The following LAMC1 variants were observed in gnomAD, a reference collection of about 807,000 sequenced individuals.
LAMC1 encodes the protein laminin subunit gamma 1.
In LAMC1, 38 loss-of-function variants were observed where a neutral mutation model predicts 173.6. That is an observed-to-expected ratio of 0.22 (90% CI 0.17 to 0.29). LAMC1 has a LOEUF of 0.29. LAMC1 is among the 10% of genes least tolerant of loss of function. The probability of loss-of-function intolerance (pLI) is 1.00; values close to 1 mark genes in which losing one functional copy is unlikely to be tolerated. For synonymous variants in LAMC1, 746 were observed against 749.1 expected, an observed-to-expected ratio of 1.00 and a Z score of 0.07; for missense variants, 1,824 against 2,051.8, an observed-to-expected ratio of 0.89 and a Z score of 2.14.
chr1:183,057,782 T>A (rs1654636103), intron 1 of LAMC1, among the ~76,000 whole-genome samples: 1 of 152,118 alleles, frequency 6.6e-6, no homozygotes, highest in African/African-American at 2.4e-5. Flanking sequence ...GCTGTCAAAC[T>A]GTAGCCTAAG....
chr1:183,046,597 A>C (rs549238400), intron 1 of LAMC1, among the ~76,000 whole-genome samples: 1 of 152,210 alleles, frequency 6.6e-6, no homozygotes, highest in East Asian at 1.9e-4. Context: ...TTTCTGAATT[A>C]CACTTTCTAA....
At chr1:183,059,636 T>C (rs1654690200) in intron 1 of LAMC1, among the ~76,000 whole-genome samples, 1 of 152,150 alleles carries the variant, frequency 6.6e-6, no homozygotes, top group Admixed American at 6.5e-5. Flanking sequence ...TCAGTGTAAG[T>C]CCACAACTAA....
At chr1:183,028,616 T>G (rs1158705697) in intron 1 of LAMC1, among the ~76,000 whole-genome samples, 1 of 152,264 alleles carries the variant, frequency 6.6e-6, no homozygotes, top group Non-Finnish European at 1.5e-5. Flanking sequence ...TTCTTGCAGC[T>G]TGCAGCTTCT....
intron 1 of LAMC1, among the ~76,000 whole-genome samples, chr1:183,092,290 A>G (rs1182030331): frequency 6.6e-6 from 1 of 152,216 alleles, no homozygotes; most frequent in Non-Finnish European, 1.5e-5. Context: ...AGGATGAAGA[A>G]GAGTTTACAG....
At chr1:183,050,812 AC>A (rs1263313723) in intron 1 of LAMC1, among the ~76,000 whole-genome samples, 3 of 147,974 alleles carry the variant, frequency 2.0e-5, no homozygotes, top group Non-Finnish European at 4.5e-5. Flanking sequence ...AATCGCTTGA[AC>A]CTGGGAGGTG....
Position 183,142,554 on chromosome 1 carries a change from C to T in LAMC1, c.4594C>T (p.Leu1532=), listed in dbSNP as rs546629854. ...EQLGQLDTVD[L]NKLNEIEGTL... ...TCCAGGGCAGCTGGATACAGTGGAC[C>T]TGAATAAGCTAAACGAGATTGAAGG... Residue 1532 remains leucine, a synonymous_variant, in exon 28 of 28, where the codon CTG becomes TTG. Coordinates refer to ENST00000258341, the MANE Select transcript of LAMC1 (RefSeq NM_002293.4). The T allele has an allele frequency of 3.3e-5, 54 of 1,612,854 alleles. 1 individual carries two copies. The East Asian group carries it at 9.4e-4, about 28-fold the overall frequency.
chr1:183,030,715 G>A (rs1487082738), intron 1 of LAMC1, among the ~76,000 whole-genome samples: 1 of 152,172 alleles, frequency 6.6e-6, no homozygotes, highest in Non-Finnish European at 1.5e-5. Flanking sequence ...AAATTAGACT[G>A]TTATGTGACT....
At chr1:183,031,495 G>A (rs1191208352) in intron 1 of LAMC1, among the ~76,000 whole-genome samples, 1 of 152,000 alleles carries the variant, frequency 6.6e-6, no homozygotes, top group Non-Finnish European at 1.5e-5. Context: ...GTAGAGACAG[G>A]GTTTTACCAT....
At chr1:183,051,323 C>A (rs535394594) in intron 1 of LAMC1, among the ~76,000 whole-genome samples, 13 of 152,294 alleles carry the variant, frequency 8.5e-5, no homozygotes, top group Non-Finnish European at 1.9e-4. Flanking sequence ...ATCCTGAGAC[C>A]ACCATATTTG....
chr1:183,057,146 C>T (rs1473928059), intron 1 of LAMC1, among the ~76,000 whole-genome samples: 2 of 152,200 alleles, frequency 1.3e-5, no homozygotes, highest in Non-Finnish European at 2.9e-5. Flanking sequence ...TGTTTCCCCA[C>T]AAGAACTAAA....
At chr1:183,034,351 A>G (rs375158921) in intron 1 of LAMC1, among the ~76,000 whole-genome samples, 3 of 151,994 alleles carry the variant, frequency 2.0e-5, no homozygotes, top group African/African-American at 7.2e-5. Context: ...GCTCACTGCA[A>G]CCTCCGCCTC....
At chr1:183,099,064 C>A (rs1200546274) in intron 1 of LAMC1, among the ~76,000 whole-genome samples, 1 of 151,986 alleles carries the variant, frequency 6.6e-6, no homozygotes, top group Non-Finnish European at 1.5e-5. Flanking sequence ...CTGTGTCTGC[C>A]TGCTGTCTAT....
intron 26 of LAMC1, chr1:183,138,240 G>A (rs772933085): frequency 8.3e-6 from 8 of 963,700 alleles, no homozygotes; most frequent in Admixed American, 6.2e-5. Context: ...TTTTGAAGAT[G>A]GCATTGTCTA....
At chr1:183,120,633 A>G (rs910765798) in intron 11 of LAMC1, among the ~76,000 whole-genome samples, 4 of 152,214 alleles carry the variant, frequency 2.6e-5, no homozygotes, top group South Asian at 2.1e-4. Context: ...ACTGAGGCCT[A>G]TACCTCTCTG....
Position 183,118,131 on chromosome 1 carries a change from A to T in LAMC1, c.1975A>T (p.Thr659Ser), listed in dbSNP as rs1162553001. Reference sequence around the variant, plus strand: ...CTTGACCTCTATCAAGATACGTGGGACATACAGTGAGAGAAGTAAGTTATG... The same window carrying T: ...CTTGACCTCTATCAAGATACGTGGGTCATACAGTGAGAGAAGTAAGTTATG... ...NNLTSIKIRGTYSERSAGYLD... is the reference protein window; with the variant it reads ...NNLTSIKIRGSYSERSAGYLD... The change falls in exon 11 of 28, where the codon ACA becomes TCA. Residue 659 changes from threonine (T) to serine (S), a missense_variant. Coordinates refer to ENST00000258341, the MANE Select transcript of LAMC1 (RefSeq NM_002293.4). The T allele has an allele frequency of 6.3e-7, 1 of 1,576,188 alleles. No homozygotes were observed. Among genetic ancestry groups the T allele is most frequent in the South Asian group, 1.1e-5 (1 of 89,970 alleles).
intron 1 of LAMC1, among the ~76,000 whole-genome samples, chr1:183,030,806 A>G (rs1386211984): frequency 6.6e-6 from 1 of 152,004 alleles, no homozygotes; most frequent in Non-Finnish European, 1.5e-5. Flanking sequence ...GTTAATTTGT[A>G]TTTTTTTCCT....
intron 1 of LAMC1, among the ~76,000 whole-genome samples, chr1:183,083,854 ATATAT>A (rs1025595440): frequency 2.5e-4 from 38 of 152,264 alleles, no homozygotes; most frequent in Admixed American, 1.6e-3. Flanking sequence ...ATAATTTCCC[ATATAT>A]TATATTAATT....
At chr1:183,138,277 AC>A in intron 26 of LAMC1, 1 of 746,150 alleles carries the variant, frequency 1.3e-6, no homozygotes, top group Non-Finnish European at 1.6e-6. Flanking sequence ...TATGAAACTT[AC>A]ATCTAGTTTA....
chr1:183,115,496 G>C, intron 5 of LAMC1, 24 bp from the exon 6 acceptor site: 2 of 1,539,406 alleles, frequency 1.3e-6, no homozygotes, highest in Non-Finnish European at 1.8e-6. Context: ...ATTTTTGTTT[G>C]ACAATAGGCA....
Sources: allele counts gnomAD v4.1 joint callset (sites outside exome capture counted in the v4.1 genomes callset), GRCh38; gene constraint gnomAD v4.1.1; transcripts MANE v1.5; gene names NCBI Gene and HGNC (gene_info 2026-07-23, HGNC 2026-07-21).